BANK1: variants seen among roughly 807,000 people sequenced by gnomAD.
BANK1 encodes B-cell scaffold protein with ankyrin repeats.
Under a neutral mutation model 94.5 loss-of-function variants are expected in BANK1, and 95 were observed. The observed-to-expected ratio is 1.00, with a 90% CI of 0.85 to 1.19. The LOEUF is 1.19. Ranked by LOEUF, BANK1 falls within the 50% of genes most tolerant of loss-of-function variation. The pLI, the probability that BANK1 is intolerant of heterozygous loss-of-function variation, is 0.00. For synonymous variants in BANK1, 334 were observed against 308.4 expected, an observed-to-expected ratio of 1.08 and a Z score of -0.87; for missense variants, 987 against 932.2, an observed-to-expected ratio of 1.06 and a Z score of -0.77.
chr4:102,073,911 A>T, intron 16 of BANK1, 94 bp from the exon 17 acceptor site: 1 of 542,402 alleles, frequency 1.8e-6, no homozygotes. Context: ...GCTCTGTAGA[A>T]AGATTTATGT....
At chr4:101,993,980 G>A (rs951063213) in intron 7 of BANK1, among the ~76,000 whole-genome samples, 1 of 152,202 alleles carries the variant, frequency 6.6e-6, no homozygotes, top group African/African-American at 2.4e-5. Context: ...ACAGTCAGAG[G>A]CCTAGGCCCT....
Position 101,790,955 on chromosome 4 carries a change from G to A in BANK1, c.70+5G>A. ...CCTGCGGCCCAGCGCCCCCAGGTGG[G>A]TAGTCGCGCATTCGGAGGGGCTTGA... On this transcript the variant is annotated splice_donor_5th_base_variant and intron_variant, in intron 1 of 16. Coordinates refer to ENST00000322953, the MANE Select transcript of BANK1 (RefSeq NM_017935.5). 1.3e-6 allele frequency: 2 copies of A among 1,504,790 alleles called. No individual in the cohort carries two copies. Among genetic ancestry groups the A allele is most frequent in the Admixed American group, 2.2e-5 (1 of 45,858 alleles). The allele number at this position is 1,504,790 out of a possible 1,614,324, so 93.2% of individuals were successfully genotyped here.
chr4:102,025,641 T>A, intron 9 of BANK1, 132 bp downstream of exon 9: 1 of 841,742 alleles, frequency 1.2e-6, no homozygotes, highest in South Asian at 1.9e-5. Context: ...ATTCTTCCTA[T>A]TCTTTAAAAA....
chr4:101,890,451 C>T (rs1205464338), intron 5 of BANK1, among the ~76,000 whole-genome samples: 1 of 151,400 alleles, frequency 6.6e-6, no homozygotes, highest in Non-Finnish European at 1.5e-5. Context: ...GCTCTGATGT[C>T]TATTTTATTG....
intron 7 of BANK1, among the ~76,000 whole-genome samples, chr4:102,016,957 G>A (rs528759295): frequency 2.4e-4 from 37 of 152,204 alleles, no homozygotes; most frequent in Non-Finnish European, 3.7e-4. Flanking sequence ...AGAAAGGAGG[G>A]ACAAAGATGA....
intron 7 of BANK1, among the ~76,000 whole-genome samples, chr4:101,962,690 A>T (rs1260335153): frequency 6.6e-6 from 1 of 152,122 alleles, no homozygotes; most frequent in African/African-American, 2.4e-5. Flanking sequence ...CACTAGCCTT[A>T]ACCAATTAAA....
At chr4:101,990,006 ATAG>A (rs1029027954) in intron 7 of BANK1, among the ~76,000 whole-genome samples, 1 of 152,028 alleles carries the variant, frequency 6.6e-6, no homozygotes, top group Non-Finnish European at 1.5e-5. Flanking sequence ...TGAAGTGGTG[ATAG>A]TAGAAAATTA....
chr4:102,072,436 A>G (rs1452208525), intron 15 of BANK1, 36 bp downstream of exon 15: 14 of 1,449,170 alleles, frequency 9.7e-6, no homozygotes, highest in Non-Finnish European at 1.3e-5. Flanking sequence ...ATAAAATGCA[A>G]AGAAATAACT....
chr4:101,954,302 G>A (rs183498471), intron 7 of BANK1, among the ~76,000 whole-genome samples: 13 of 152,206 alleles, frequency 8.5e-5, no homozygotes, highest in African/African-American at 2.9e-4. Context: ...TAGGACTCCA[G>A]CATACCTTTT....
chr4:101,940,955 C>T (rs564029331), intron 7 of BANK1, among the ~76,000 whole-genome samples: 2 of 151,810 alleles, frequency 1.3e-5, no homozygotes, highest in East Asian at 3.9e-4. Context: ...GGTTTATGCT[C>T]CACCTCCTTG....
chr4:101,947,309 A>ATATATATATATATATATATGTATG (rs1176507515), intron 7 of BANK1, among the ~76,000 whole-genome samples: 15 of 67,886 alleles, frequency 2.2e-4, no homozygotes, highest in African/African-American at 4.9e-4. Context: ...ATATATATAT[A>ATATATATATATATATATATGTATG]TATGTATATG....
chr4:102,024,185 A>T (rs1415198647), intron 8 of BANK1, among the ~76,000 whole-genome samples: 1 of 152,184 alleles, frequency 6.6e-6, no homozygotes, highest in African/African-American at 2.4e-5. Context: ...ATTTTAAAGA[A>T]GTCTTTCTTC....
chr4:102,013,068 A>T (rs564218635), intron 7 of BANK1, among the ~76,000 whole-genome samples: 3 of 152,108 alleles, frequency 2.0e-5, no homozygotes, highest in Non-Finnish European at 4.4e-5. Context: ...TATTAACATG[A>T]TTTTGAAACT....
intron 7 of BANK1, among the ~76,000 whole-genome samples, chr4:101,972,018 A>G (rs1724975282): frequency 6.6e-6 from 1 of 152,064 alleles, no homozygotes; most frequent in Non-Finnish European, 1.5e-5. Flanking sequence ...TACTCCTATG[A>G]AAAATGACAA....
At chr4:101,962,791 T>TA (rs1296251880) in intron 7 of BANK1, among the ~76,000 whole-genome samples, 1 of 152,170 alleles carries the variant, frequency 6.6e-6, no homozygotes, top group Non-Finnish European at 1.5e-5. Flanking sequence ...AGTGGTTGTA[T>TA]AGTGTTCTAG....
At chr4:101,978,089 G>C (rs902630498) in intron 7 of BANK1, among the ~76,000 whole-genome samples, 1 of 151,070 alleles carries the variant, frequency 6.6e-6, no homozygotes, top group Non-Finnish European at 1.5e-5. Flanking sequence ...TTAGCCTCCC[G>C]TGTAGCTGGG....
intron 6 of BANK1, among the ~76,000 whole-genome samples, chr4:101,908,298 A>G (rs1052110517): frequency 2.5e-4 from 38 of 152,240 alleles, no homozygotes; most frequent in African/African-American, 9.2e-4. Flanking sequence ...AAAAACAAGA[A>G]ATGGGGAAAG....
chr4:101,962,370 T>G (rs1057193900), intron 7 of BANK1, among the ~76,000 whole-genome samples: 2 of 152,182 alleles, frequency 1.3e-5, no homozygotes, highest in African/African-American at 4.8e-5. Flanking sequence ...TCTTTTGCCT[T>G]TGGGCAATAT....
chr4:102,020,101 C>T (rs1409079067), intron 7 of BANK1, among the ~76,000 whole-genome samples: 2 of 152,098 alleles, frequency 1.3e-5, no homozygotes, highest in East Asian at 3.9e-4. Context: ...TCATAATGCC[C>T]AAGCTTGTGA....
Sources: allele counts gnomAD v4.1 joint callset (sites outside exome capture counted in the v4.1 genomes callset), GRCh38; gene constraint gnomAD v4.1.1; transcripts MANE v1.5; gene names NCBI Gene and HGNC (gene_info 2026-07-23, HGNC 2026-07-21).